Variants in PPFIA2 observed in about 807,000 individuals in gnomAD.
PPFIA2 encodes the protein liprin-alpha-2.
A neutral mutation model predicts 175.5 loss-of-function variants in PPFIA2; 46 were observed. That is an observed-to-expected ratio of 0.26 (90% CI 0.21 to 0.34). The LOEUF is 0.34. Among genes scored for constraint, PPFIA2 ranks in the 10% least tolerant of loss-of-function variants. The probability of loss-of-function intolerance (pLI) is 1.00; values close to 1 mark genes in which losing one functional copy is unlikely to be tolerated. For synonymous variants in PPFIA2, 568 were observed against 511.4 expected (o/e 1.11, Z -1.49); for missense variants, 1,179 against 1,506.1 (o/e 0.78, Z 3.60).
At chr12:81,558,453 G>C (rs908976080) in intron 4 of PPFIA2, among the ~76,000 whole-genome samples, 5 of 152,066 alleles carry the variant, frequency 3.3e-5, no homozygotes, top group African/African-American at 1.2e-4. Context: ...GAAAATTCAG[G>C]CAATCAAAAT....
chr12:81,334,914 C>A (rs2056843867), intron 21 of PPFIA2, among the ~76,000 whole-genome samples: 1 of 152,176 alleles, frequency 6.6e-6, no homozygotes, highest in Non-Finnish European at 1.5e-5. Context: ...ATTGCTTCTT[C>A]CTTAATCCAC....
At position 81,620,159 on chromosome 12, in the gene PPFIA2, CA is replaced by C. The variant is rs376856927; in HGVS notation, c.303+56631del. Among the ~76,000 whole-genome samples, 514 of 54,596 alleles carry C rather than the reference CA, an allele frequency of 9.4e-3. 1 individual carries two copies. Among genetic ancestry groups the C allele is most frequent in the Non-Finnish European group, 0.012 (387 of 31,858 alleles). 35.8% of individuals were successfully genotyped at this position (54,596 alleles called of 152,430 possible). On this transcript the variant is annotated intron_variant, in intron 4 of 32. Transcript: ENST00000549396. ...TGGGCCACAGAGTGACACTCCTTCT[CA>C]AAAAAAAAAAAAAAAAAAAAAAGAA... is the stretch of plus-strand genomic sequence containing the variant.
At chr12:81,466,856 A>T (rs2055738432) in intron 4 of PPFIA2, among the ~76,000 whole-genome samples, 4 of 147,716 alleles carry the variant, frequency 2.7e-5, no homozygotes, top group African/African-American at 7.4e-5. Flanking sequence ...TCTATTAAAA[A>T]ATATATATAA....
intron 4 of PPFIA2, among the ~76,000 whole-genome samples, chr12:81,659,549 C>T (rs2068428236): frequency 1.3e-5 from 2 of 152,192 alleles, no homozygotes; most frequent in South Asian, 4.1e-4. Context: ...GTAAACAAAG[C>T]AGCGGGGAAG....
intron 4 of PPFIA2, among the ~76,000 whole-genome samples, chr12:81,502,457 A>T (rs973789198): frequency 5.9e-5 from 9 of 152,190 alleles, no homozygotes; most frequent in African/African-American, 1.9e-4. Flanking sequence ...TTCCAAAGAT[A>T]TTCTAATTTA....
chr12:81,402,964 T>A (rs1430396831), intron 8 of PPFIA2, among the ~76,000 whole-genome samples: 1 of 152,234 alleles, frequency 6.6e-6, no homozygotes, highest in Non-Finnish European at 1.5e-5. Context: ...TGTTTACATA[T>A]TTTTAAATTT....
intron 23 of PPFIA2, among the ~76,000 whole-genome samples, chr12:81,296,090 G>A (rs1424416632): frequency 6.6e-6 from 1 of 152,130 alleles, no homozygotes; most frequent in Non-Finnish European, 1.5e-5. Flanking sequence ...TGGATTGCCT[G>A]AGCTTAGGAG....
At chr12:81,607,304 T>C (rs1272412433) in intron 4 of PPFIA2, among the ~76,000 whole-genome samples, 1 of 152,168 alleles carries the variant, frequency 6.6e-6, no homozygotes. Flanking sequence ...TGGTTCCATA[T>C]GAATTTTAGA....
intron 3 of PPFIA2, among the ~76,000 whole-genome samples, chr12:81,739,476 T>C (rs1472052717): frequency 6.6e-6 from 1 of 152,016 alleles, no homozygotes; most frequent in African/African-American, 2.4e-5. Context: ...ACAAAGATAA[T>C]ATAATTTTGA....
rs1227050907 is a variant in PPFIA2, at chr12:81,267,896, G to A, written c.3486+16C>T. 6.3e-7 allele frequency: 1 copy of A among 1,576,522 alleles called. No individual in the cohort carries two copies. Among genetic ancestry groups the A allele is most frequent in the South Asian group, 1.2e-5 (1 of 86,148 alleles). ...TAAACCAGAACACATTGAGACTACA[G>A]CAGAAAGTGACTTGCCTGGGTGTTC... On this transcript the variant is annotated intron_variant, in intron 29 of 32. Transcript: ENST00000549396.
At chr12:81,399,880 AAT>A (rs1167076788) in intron 8 of PPFIA2, among the ~76,000 whole-genome samples, 1 of 152,186 alleles carries the variant, frequency 6.6e-6, no homozygotes. Context: ...AAATAAGCCC[AAT>A]TATATTTTTG....
chr12:81,731,585 A>C (rs924677743), intron 3 of PPFIA2, among the ~76,000 whole-genome samples: 1 of 151,692 alleles, frequency 6.6e-6, no homozygotes, highest in Non-Finnish European at 1.5e-5. Context: ...ACTTCAGTTA[A>C]TTAAAAATAT....
intron 4 of PPFIA2, among the ~76,000 whole-genome samples, chr12:81,531,667 G>T (rs1267577834): frequency 1.3e-5 from 2 of 151,234 alleles, no homozygotes; most frequent in East Asian, 3.9e-4. Context: ...GGAAGACAGG[G>T]TCTACTGTAC....
intron 4 of PPFIA2, among the ~76,000 whole-genome samples, chr12:81,516,551 T>A (rs1159128159): frequency 6.6e-6 from 1 of 152,118 alleles, no homozygotes; most frequent in Admixed American, 6.5e-5. Flanking sequence ...TGTGTCCTTA[T>A]AAGCAGGAGA....
intron 4 of PPFIA2, among the ~76,000 whole-genome samples, chr12:81,592,051 C>T (rs2058733846): frequency 6.6e-6 from 1 of 152,228 alleles, no homozygotes; most frequent in Admixed American, 6.5e-5. Context: ...TGGGAACCCA[C>T]CTCTTGTATC....
At chr12:81,585,079 T>TTA (rs2075121636) in intron 4 of PPFIA2, among the ~76,000 whole-genome samples, 1 of 122,836 alleles carries the variant, frequency 8.1e-6, no homozygotes, top group Non-Finnish European at 1.6e-5. Context: ...ATAAATATAA[T>TTA]ATATATAATA....
At chr12:81,541,590 AT>A (rs2066217184) in intron 4 of PPFIA2, among the ~76,000 whole-genome samples, 1 of 152,142 alleles carries the variant, frequency 6.6e-6, no homozygotes. Flanking sequence ...AAATAAAAAA[AT>A]ACTTGTGAAA....
At chr12:81,756,526 T>A (rs1436446848) in intron 2 of PPFIA2, among the ~76,000 whole-genome samples, 7 of 152,094 alleles carry the variant, frequency 4.6e-5, no homozygotes. Flanking sequence ...GAAAAGTGGC[T>A]TAGGGACTTA....
chr12:81,445,221 G>GA (rs2051019847), intron 6 of PPFIA2, among the ~76,000 whole-genome samples: 1 of 65,272 alleles, frequency 1.5e-5, no homozygotes, highest in Admixed American at 1.7e-4. Flanking sequence ...GGGGGGGAGG[G>GA]GGGAGAGAGA....
Sources: gnomAD v4.1 joint callset for allele counts (sites outside exome capture counted in the v4.1 genomes callset) on GRCh38, gnomAD v4.1.1 for gene constraint, MANE v1.5 for transcripts, NCBI Gene and HGNC (gene_info 2026-07-23, HGNC 2026-07-21) for gene names.